Variants in C7orf57 observed in about 807,000 individuals in gnomAD.
The protein encoded by C7orf57 is uncharacterized protein C7orf57.
C7orf57 carries 33 observed loss-of-function variants against 39.0 expected under a neutral mutation model. That is an observed-to-expected ratio of 0.85 (90% CI 0.64 to 1.13). The LOEUF is 1.13. C7orf57 is among the 50% of genes most tolerant of loss of function. The pLI is 0.00. For synonymous variants in C7orf57, 124 were observed against 137.1 expected (o/e 0.90, Z 0.67); for missense variants, 346 against 362.3 (o/e 0.95, Z 0.37).
intron 7 of C7orf57, among the ~76,000 whole-genome samples, chr7:48,053,365 T>G (rs2128797819): frequency 6.6e-6 from 1 of 152,292 alleles, no homozygotes; most frequent in East Asian, 1.9e-4. Flanking sequence ...ATTATTGGCA[T>G]GTCTTAAGCT....
Position 48,035,655 on chromosome 7 carries a change from A to G in C7orf57, c.-102+25A>G. On this transcript the variant is annotated intron_variant, in intron 1 of 8. Transcript: ENST00000348904. The surrounding 1 kb of genome is among the most constrained non-coding windows in gnomAD (Gnocchi z 4.0). ...GGTGAGCCTGAGCGGGCTGGAGGAC[A>G]ATGGGGGCGCCCACTGTGGTCCCGG... 2 of 651,584 alleles carry G rather than the reference A, an allele frequency of 3.1e-6. No individual in the cohort carries two copies. Among genetic ancestry groups the G allele is most frequent in the Non-Finnish European group, 5.6e-6 (2 of 359,838 alleles). 40.4% of individuals were successfully genotyped at this position (651,584 alleles called of 1,614,324 possible). A position where few individuals can be genotyped will look rare whatever the true frequency, so the allele number is the denominator to read the frequency against.
chr7:48,057,441 A>T (rs975872497), intron 8 of C7orf57, among the ~76,000 whole-genome samples: 3 of 152,108 alleles, frequency 2.0e-5, no homozygotes, highest in African/African-American at 7.2e-5. Context: ...AGTATATAGA[A>T]TGCTACCAAT....
At chr7:48,042,731 G>T (rs1790587259) in intron 3 of C7orf57, among the ~76,000 whole-genome samples, 1 of 151,612 alleles carries the variant, frequency 6.6e-6, no homozygotes, top group Non-Finnish European at 1.5e-5. Flanking sequence ...GATAGTAATA[G>T]GTCAACCAAA....
Position 48,052,683 on chromosome 7 carries a change from C to T in C7orf57, c.606-17C>T, listed in dbSNP as rs373191458. 2.3e-4 allele frequency: 375 copies of T among 1,606,118 alleles called. No individual in the cohort carries two copies. The highest frequency in any genetic ancestry group is 2.9e-4 in the Non-Finnish European group (337 of 1,172,990). On this transcript the variant is annotated splice_polypyrimidine_tract_variant and intron_variant, in intron 6 of 8. Transcript: ENST00000348904. ...ACCCTTGTACTTAAGTTTCACATTA[C>T]TTTTACTCTTTTTAAGGCCTGGTCA...
chr7:48,041,981 T>C (rs1168181357), intron 3 of C7orf57, among the ~76,000 whole-genome samples: 1 of 152,240 alleles, frequency 6.6e-6, no homozygotes. Context: ...AGTGTGATAC[T>C]GACGAGGACC....
chr7:48,044,639 G>GACC (rs1161673733), intron 4 of C7orf57, among the ~76,000 whole-genome samples: 1 of 152,182 alleles, frequency 6.6e-6, no homozygotes, highest in African/African-American at 2.4e-5. Flanking sequence ...CAGTAGGACT[G>GACC]ACCACATCCT....
At chr7:48,042,208 C>T (rs756859806) in intron 3 of C7orf57, among the ~76,000 whole-genome samples, 2 of 152,204 alleles carry the variant, frequency 1.3e-5, no homozygotes, top group Non-Finnish European at 2.9e-5. Flanking sequence ...ATGGCAACAT[C>T]TTTGCTTTAA....
chr7:48,049,730 G>A (rs1562628174), intron 5 of C7orf57, 150 bp from the exon 6 acceptor site: 3 of 601,184 alleles, frequency 5.0e-6, no homozygotes, highest in Non-Finnish European at 8.9e-6. Context: ...TGAGATTATT[G>A]CTGAATTATA....
chr7:48,053,250 C>A (rs2686792), intron 7 of C7orf57, among the ~76,000 whole-genome samples: 135,374 of 152,184 alleles, frequency 0.89, 60,424 homozygotes, highest in Non-Finnish European at 0.93. Flanking sequence ...CAGATCCAAA[C>A]AATGTTGACC....
At chr7:48,058,226 G>A (rs757242144) in intron 8 of C7orf57, among the ~76,000 whole-genome samples, 12 of 152,188 alleles carry the variant, frequency 7.9e-5, no homozygotes, top group Non-Finnish European at 1.5e-4. Flanking sequence ...GTTTGGAAGT[G>A]TTCCTTCCTT....
chr7:48,051,829 T>TTTC (rs1562630078), intron 6 of C7orf57, among the ~76,000 whole-genome samples: 1 of 44,468 alleles, frequency 2.2e-5, no homozygotes, highest in Non-Finnish European at 4.7e-5. Context: ...CTTTCTTTCT[T>TTTC]TCTTTCTTTC....
chr7:48,046,729 C>T (rs988371442), intron 5 of C7orf57, 113 bp downstream of exon 5: 28 of 1,108,954 alleles, frequency 2.5e-5, no homozygotes, highest in East Asian at 1.5e-4. Flanking sequence ...CTCGTGGCAT[C>T]GGCCACGTGC....
chr7:48,057,068 T>G (rs931928027), intron 8 of C7orf57, among the ~76,000 whole-genome samples: 42 of 147,214 alleles, frequency 2.9e-4, no homozygotes, highest in Non-Finnish European at 5.5e-4. Context: ...TATATCTGTT[T>G]TTTTTTTTTT....
intron 6 of C7orf57, among the ~76,000 whole-genome samples, chr7:48,050,382 G>A (rs1247348426): frequency 6.6e-6 from 1 of 152,212 alleles, no homozygotes; most frequent in Non-Finnish European, 1.5e-5. Context: ...CGCCTTGTAA[G>A]CGTGCTGGCT....
At chr7:48,041,961 G>C (rs1424273570) in intron 3 of C7orf57, among the ~76,000 whole-genome samples, 1 of 152,190 alleles carries the variant, frequency 6.6e-6, no homozygotes, top group Admixed American at 6.5e-5. Context: ...GAAGACCATA[G>C]AGGAGTTTCA....
At chr7:48,049,408 G>A (rs1478180051) in intron 5 of C7orf57, among the ~76,000 whole-genome samples, 1 of 152,022 alleles carries the variant, frequency 6.6e-6, no homozygotes, top group Non-Finnish European at 1.5e-5. Context: ...CATTACATAC[G>A]CATGGCCATG....
At chr7:48,055,501 A>G (rs1791091596) in intron 8 of C7orf57, among the ~76,000 whole-genome samples, 1 of 152,126 alleles carries the variant, frequency 6.6e-6, no homozygotes, top group East Asian at 1.9e-4. Flanking sequence ...TGATTTTGAA[A>G]TATACAATAT....
At chr7:48,059,401 A>G (rs1293427206) in intron 8 of C7orf57, among the ~76,000 whole-genome samples, 1 of 151,960 alleles carries the variant, frequency 6.6e-6, no homozygotes, top group Non-Finnish European at 1.5e-5. Context: ...CCGGGCCTGG[A>G]GTGTAGCGGT....
At chr7:48,060,106 T>C in intron 8 of C7orf57, 120 bp from the exon 9 acceptor site, 1 of 582,916 alleles carries the variant, frequency 1.7e-6, no homozygotes, top group Non-Finnish European at 2.9e-6. Flanking sequence ...TATGTAGACT[T>C]CAGAAATAAT....
Sources: allele counts gnomAD v4.1 joint callset (sites outside exome capture counted in the v4.1 genomes callset), GRCh38; gene constraint gnomAD v4.1.1; non-coding constraint Gnocchi (gnomAD v3.1); transcripts MANE v1.5; gene names NCBI Gene and HGNC (gene_info 2026-07-23, HGNC 2026-07-21).